Variants in NRXN3 observed in about 807,000 individuals in gnomAD.
NRXN3 encodes the protein neurexin III.
In NRXN3, 32 loss-of-function variants were observed where a neutral mutation model predicts 137.6. The observed-to-expected ratio is 0.23, with a 90% CI of 0.18 to 0.31. The LOEUF (loss-of-function observed/expected upper bound fraction) is 0.31, where lower values mean the gene tolerates loss of function less well. Among genes scored for constraint, NRXN3 ranks in the 10% least tolerant of loss-of-function variants. NRXN3 has a pLI of 1.00. For missense variants in NRXN3, 1,574 were observed against 2,062.5 expected, an observed-to-expected ratio of 0.76 and a Z score of 4.59; for synonymous variants, 798 against 784.5, an observed-to-expected ratio of 1.02 and a Z score of -0.29.
At chr14:78,382,377 C>T (rs1360723130) in intron 4 of NRXN3, among the ~76,000 whole-genome samples, 1 of 152,146 alleles carries the variant, frequency 6.6e-6, no homozygotes. Flanking sequence ...GTAGATAGAA[C>T]AGAGAGAGGA....
intron 17 of NRXN3, among the ~76,000 whole-genome samples, chr14:79,678,329 C>T (rs974260859): frequency 3.3e-5 from 5 of 152,170 alleles, no homozygotes; most frequent in Admixed American, 1.3e-4. Flanking sequence ...TTTATAGCAA[C>T]TGCTCAAATT....
At chr14:79,254,635 G>A (rs1315172741) in intron 15 of NRXN3, among the ~76,000 whole-genome samples, 7 of 152,200 alleles carry the variant, frequency 4.6e-5, no homozygotes, top group Admixed American at 1.3e-4. Flanking sequence ...CTCTTCTCTG[G>A]GCAAAGTTCA....
rs1246644174 is a variant in NRXN3 at position 78,243,214 on chromosome 14, C to T, written c.121C>T (p.Leu41Phe). 6.5e-7 allele frequency: 1 copy of T among 1,547,898 alleles called. No individual in the cohort carries two copies. Among genetic ancestry groups the T allele is most frequent in the Admixed American group, 1.9e-5 (1 of 52,426 alleles). The change falls in exon 2 of 21, where the codon CTC becomes TTC. Residue 41 changes from leucine (L) to phenylalanine (F), a missense_variant. Physicochemically the swap from Leu to Phe is conservative, Grantham distance 22 (BLOSUM62 0). Transcript: ENST00000335750. This position sits in a 1 kb window ranked among gnomAD's most constrained non-coding sequence, Gnocchi z 4.2. ...MGLPNQWARYLRWDASTRSDL... is the reference protein window; with the variant it reads ...MGLPNQWARYFRWDASTRSDL... Reference sequence around the variant, plus strand: ...CCTCCCCAACCAGTGGGCCCGCTACCTCCGCTGGGATGCCAGCACACGCAG... The same window carrying T: ...CCTCCCCAACCAGTGGGCCCGCTACTTCCGCTGGGATGCCAGCACACGCAG...
chr14:79,123,283 C>T (rs1380356316), intron 15 of NRXN3, among the ~76,000 whole-genome samples: 1 of 152,034 alleles, frequency 6.6e-6, no homozygotes, highest in African/African-American at 2.4e-5. Flanking sequence ...GAAGAGCCCC[C>T]CACTCTGTCC....
chr14:79,848,560 G>A (rs1379407695), intron 20 of NRXN3, among the ~76,000 whole-genome samples: 1 of 152,066 alleles, frequency 6.6e-6, no homozygotes, highest in Non-Finnish European at 1.5e-5. Flanking sequence ...GAACACCTCT[G>A]CATTAGACCC....
chr14:78,951,345 C>A (rs1340904281), intron 10 of NRXN3, among the ~76,000 whole-genome samples: 1 of 152,108 alleles, frequency 6.6e-6, no homozygotes, highest in Non-Finnish European at 1.5e-5. Context: ...CTGGACTCTG[C>A]CTACATCACC....
intron 16 of NRXN3, among the ~76,000 whole-genome samples, chr14:79,595,118 A>G (rs1001540175): frequency 1.3e-5 from 2 of 152,190 alleles, no homozygotes; most frequent in African/African-American, 4.8e-5. Flanking sequence ...AGTTGCAGAA[A>G]GTATTGGTGG....
chr14:79,300,692 G>A (rs1026009905), intron 15 of NRXN3, among the ~76,000 whole-genome samples: 22 of 151,188 alleles, frequency 1.5e-4, no homozygotes, highest in Non-Finnish European at 2.7e-4. Context: ...GAACACTTTC[G>A]CTGTATTCTG....
intron 15 of NRXN3, among the ~76,000 whole-genome samples, chr14:79,180,200 T>A (rs1412369374): frequency 6.6e-6 from 1 of 152,196 alleles, no homozygotes; most frequent in African/African-American, 2.4e-5. Context: ...ACACTGACAA[T>A]TACATGTAGC....
chr14:79,710,629 G>C (rs2098799992), intron 19 of NRXN3, among the ~76,000 whole-genome samples: 1 of 152,092 alleles, frequency 6.6e-6, no homozygotes, highest in Non-Finnish European at 1.5e-5. Flanking sequence ...AGTTTATGAG[G>C]GCATGAGATA....
intron 15 of NRXN3, among the ~76,000 whole-genome samples, chr14:79,149,848 G>T (rs540224705): frequency 6.6e-6 from 1 of 152,120 alleles, no homozygotes; most frequent in African/African-American, 2.4e-5. Flanking sequence ...AAACAGTGGG[G>T]CCAGTCATGG....
chr14:78,327,133 A>C (rs1260754692), intron 4 of NRXN3, among the ~76,000 whole-genome samples: 2 of 152,202 alleles, frequency 1.3e-5, no homozygotes, highest in Non-Finnish European at 2.9e-5. Flanking sequence ...GACTCAATAA[A>C]TGTTAGATAT....
At chr14:78,626,649 G>A (rs1175085645) in intron 4 of NRXN3, among the ~76,000 whole-genome samples, 3 of 152,192 alleles carry the variant, frequency 2.0e-5, no homozygotes, top group Non-Finnish European at 4.4e-5. Flanking sequence ...AGATGGAAGA[G>A]GAAAGCAATT....
rs1390022451 is a variant in NRXN3 at position 79,212,705 on chromosome 14, T to G, written c.3262+224564T>G. On this transcript the variant is annotated intron_variant, in intron 15 of 20. Transcript: ENST00000335750. ...CACAAGCCCTACACAAATGGTATCG[T>G]GCCCAAATGAGTGTTGGAAATGCTG... 2.0e-5 allele frequency among the ~76,000 whole-genome samples: 3 copies of G among 152,292 alleles called. No individual in the cohort carries two copies. The East Asian group carries it at 5.8e-4, about 29-fold the overall frequency.
At chr14:78,215,383 G>C (rs2063150471) in intron 1 of NRXN3, among the ~76,000 whole-genome samples, 1 of 152,094 alleles carries the variant, frequency 6.6e-6, no homozygotes, top group African/African-American at 2.4e-5. Context: ...CATGTCTAAA[G>C]GCTCCTTTCA....
At chr14:79,754,622 G>A (rs948123731) in intron 19 of NRXN3, among the ~76,000 whole-genome samples, 5 of 142,532 alleles carry the variant, frequency 3.5e-5, no homozygotes, top group African/African-American at 1.3e-4. Context: ...ACACACGTAT[G>A]TATATTTACA....
rs567655069 is a variant in NRXN3 at position 78,324,335 on chromosome 14, A to G, written c.757+26475A>G. Reference sequence around the variant, plus strand: ...GGCATTGCTGTGGGTACTAGGACATAGTGGAGCATAGGACAGCTGAGACAC... The same window carrying G: ...GGCATTGCTGTGGGTACTAGGACATGGTGGAGCATAGGACAGCTGAGACAC... On this transcript the variant is annotated intron_variant, in intron 4 of 20. Coordinates refer to ENST00000335750, the MANE Select transcript of NRXN3 (RefSeq NM_001330195.2). 2.0e-5 allele frequency among the ~76,000 whole-genome samples: 3 copies of G among 152,204 alleles called. No homozygotes were observed. The South Asian group carries it at 6.2e-4, about 32-fold the overall frequency.
At chr14:78,211,873 A>G (rs905093088) in intron 1 of NRXN3, among the ~76,000 whole-genome samples, 2 of 152,188 alleles carry the variant, frequency 1.3e-5, no homozygotes, top group Non-Finnish European at 1.5e-5. Flanking sequence ...TCTTCATGGT[A>G]TAAGTGGTTT....
At chr14:79,106,687 G>C (rs974234191) in intron 15 of NRXN3, among the ~76,000 whole-genome samples, 2 of 151,792 alleles carry the variant, frequency 1.3e-5, no homozygotes, top group Non-Finnish European at 2.9e-5. Flanking sequence ...ATTAATTTGG[G>C]GACTATTATA....
Sources: allele counts gnomAD v4.1 joint callset (sites outside exome capture counted in the v4.1 genomes callset), GRCh38; gene constraint gnomAD v4.1.1; non-coding constraint Gnocchi (gnomAD v3.1); transcripts MANE v1.5; gene names NCBI Gene and HGNC (gene_info 2026-07-23, HGNC 2026-07-21).